ANO10: variants seen among roughly 807,000 people sequenced by gnomAD.
ANO10 encodes the protein anoctamin-10.
Under a neutral mutation model 74.7 loss-of-function variants are expected in ANO10, and 77 were observed. The observed-to-expected ratio is 1.03, with a 90% confidence interval of 0.86 to 1.25. ANO10 has a LOEUF of 1.25. ANO10 is among the 50% of genes most tolerant of loss of function. ANO10 has a pLI of 0.00. For synonymous variants in ANO10, 279 were observed against 284.9 expected, an observed-to-expected ratio of 0.98 and a Z score of 0.21; for missense variants, 721 against 778.1, an observed-to-expected ratio of 0.93 and a Z score of 0.87.
At chr3:43,691,192 GC>G in intron 1 of ANO10, 1 of 670,830 alleles carries the variant, frequency 1.5e-6, no homozygotes, top group Non-Finnish European at 2.2e-6. Flanking sequence ...TCCGCGCGGC[GC>G]CCAGAGGCGT....
chr3:43,516,929 T>C (rs779821441), intron 11 of ANO10, among the ~76,000 whole-genome samples: 41 of 151,994 alleles, frequency 2.7e-4, no homozygotes, highest in Non-Finnish European at 4.0e-4. Flanking sequence ...ATGGCTGAGA[T>C]AGTGGTATTT....
chr3:43,417,826 A>C (rs2092764323), intron 12 of ANO10, among the ~76,000 whole-genome samples: 1 of 152,198 alleles, frequency 6.6e-6, no homozygotes, highest in Non-Finnish European at 1.5e-5. Context: ...GGTCACATGG[A>C]GGTTCAATTC....
intron 11 of ANO10, among the ~76,000 whole-genome samples, chr3:43,470,981 TA>T (rs1236996945): frequency 1.3e-5 from 2 of 152,126 alleles, no homozygotes; most frequent in Non-Finnish European, 2.9e-5. Context: ...AAGACTGCTC[TA>T]AAAAAATTAA....
chr3:43,373,194 C>T (rs1241736957), intron 12 of ANO10, among the ~76,000 whole-genome samples: 1 of 151,316 alleles, frequency 6.6e-6, no homozygotes, highest in Non-Finnish European at 1.5e-5. Flanking sequence ...TCATGGCTAG[C>T]AAGCTCAAGC....
intron 11 of ANO10, among the ~76,000 whole-genome samples, chr3:43,468,350 C>G (rs1402964851): frequency 7.9e-5 from 12 of 152,316 alleles, no homozygotes; most frequent in East Asian, 5.8e-4. Flanking sequence ...AGGCTTATCT[C>G]TGACCCAAAA....
intron 1 of ANO10, among the ~76,000 whole-genome samples, chr3:43,640,993 C>T (rs1188110214): frequency 6.6e-6 from 1 of 152,204 alleles, no homozygotes. Flanking sequence ...TACACGCAGG[C>T]TGCCACATGA....
At chr3:43,369,534 A>G (rs943883138) in intron 12 of ANO10, among the ~76,000 whole-genome samples, 2 of 152,184 alleles carry the variant, frequency 1.3e-5, no homozygotes, top group Admixed American at 6.5e-5. Flanking sequence ...GTGATCCCCA[A>G]GTTGGGCCAC....
chr3:43,430,298 T>A (rs1403418003), intron 12 of ANO10, among the ~76,000 whole-genome samples: 1 of 152,036 alleles, frequency 6.6e-6, no homozygotes. Flanking sequence ...TCATTTTTCA[T>A]GTATTTTACT....
chr3:43,540,769 C>G (rs1203461289), intron 11 of ANO10, among the ~76,000 whole-genome samples: 4 of 152,164 alleles, frequency 2.6e-5, no homozygotes, highest in Non-Finnish European at 5.9e-5. Flanking sequence ...GCTGGGTTAA[C>G]AGGGGAAGGA....
chr3:43,519,025 G>A lies in ANO10; in HGVS notation c.1797+30695C>T, dbSNP rs182831917. 3.0e-3 allele frequency among the ~76,000 whole-genome samples: 457 copies of A among 152,132 alleles called. 1 individual carries two copies. Among genetic ancestry groups the A allele is most frequent in the Non-Finnish European group, 5.2e-3 (355 of 68,006 alleles). ...CATAATAAAAACTTGCTGGTTTTGC[G>A]GCTCAGGGGGCATCATGGAACCTGC... On this transcript the variant is annotated intron_variant, in intron 11 of 12. Coordinates refer to ENST00000292246, the MANE Select transcript of ANO10 (RefSeq NM_018075.5).
chr3:43,465,372 G>A (rs1288040077), intron 11 of ANO10, among the ~76,000 whole-genome samples: 24 of 152,256 alleles, frequency 1.6e-4, no homozygotes, highest in African/African-American at 5.3e-4. Flanking sequence ...TGTACAGCAT[G>A]TTACTATACT....
At chr3:43,529,937 T>C (rs2078383944) in intron 11 of ANO10, among the ~76,000 whole-genome samples, 1 of 152,130 alleles carries the variant, frequency 6.6e-6, no homozygotes, top group South Asian at 2.1e-4. Flanking sequence ...ATATTCTGCA[T>C]CTCAATTAAT....
intron 11 of ANO10, among the ~76,000 whole-genome samples, chr3:43,478,688 T>G (rs2076162220): frequency 6.6e-6 from 1 of 152,228 alleles, no homozygotes; most frequent in East Asian, 1.9e-4. Flanking sequence ...CACTCCTATG[T>G]AGTATTCATA....
intron 11 of ANO10, among the ~76,000 whole-genome samples, chr3:43,460,041 C>G (rs1002110580): frequency 1.3e-5 from 2 of 152,020 alleles, no homozygotes; most frequent in African/African-American, 2.4e-5. Flanking sequence ...TTGGAGAGAT[C>G]ATCAAAAGAA....
intron 1 of ANO10, among the ~76,000 whole-genome samples, chr3:43,632,145 A>G (rs6441787): frequency 0.77 from 117,636 of 152,076 alleles, 46,043 homozygotes; most frequent in East Asian, 0.89. Flanking sequence ...AGAGTTCAGT[A>G]CTTAAGAAAA....
chr3:43,453,799 A>G (rs1017413504), intron 11 of ANO10, among the ~76,000 whole-genome samples: 1 of 152,108 alleles, frequency 6.6e-6, no homozygotes, highest in African/African-American at 2.4e-5. Flanking sequence ...ATTCTATTAC[A>G]TTGGTCTATA....
chr3:43,482,910 C>A (rs919382351), intron 11 of ANO10, among the ~76,000 whole-genome samples: 6 of 152,132 alleles, frequency 3.9e-5, no homozygotes, highest in African/African-American at 1.4e-4. Context: ...CAAAGCTGTA[C>A]CCTTGCAGTC....
At chr3:43,509,692 T>C (rs1397824344) in intron 11 of ANO10, among the ~76,000 whole-genome samples, 6 of 152,166 alleles carry the variant, frequency 3.9e-5, no homozygotes. Context: ...AATGTTACCT[T>C]TGAACATTAA....
intron 12 of ANO10, among the ~76,000 whole-genome samples, chr3:43,430,571 C>CT (rs2092965766): frequency 6.6e-6 from 1 of 152,016 alleles, no homozygotes; most frequent in Non-Finnish European, 1.5e-5. Context: ...TAAAATATCA[C>CT]TTTTACCATA....
Sources: allele counts gnomAD v4.1 joint callset (sites outside exome capture counted in the v4.1 genomes callset), GRCh38; gene constraint gnomAD v4.1.1; transcripts MANE v1.5; gene names NCBI Gene and HGNC (gene_info 2026-07-23, HGNC 2026-07-21).